Variants in MAGI2 observed in about 807,000 individuals in gnomAD.
MAGI2 encodes membrane-associated guanylate kinase, WW and PDZ domain-containing protein 2.
In MAGI2, 35 loss-of-function variants were observed where a neutral mutation model predicts 133.3. The ratio of observed to expected loss-of-function variants is 0.26; its 90% CI spans 0.20 to 0.35. The LOEUF (loss-of-function observed/expected upper bound fraction) is 0.35, where lower values mean the gene tolerates loss of function less well. Ranked by LOEUF, MAGI2 falls within the 10% of genes least tolerant of loss-of-function variation. The probability of loss-of-function intolerance (pLI) is 1.00; values close to 1 mark genes in which losing one functional copy is unlikely to be tolerated. For missense variants in MAGI2, 1,636 were observed against 1,863.4 expected (o/e 0.88, Z 2.25); for synonymous variants, 729 against 710.6 (o/e 1.03, Z -0.41).
chr7:78,474,193 C>A (rs370111216), intron 6 of MAGI2, among the ~76,000 whole-genome samples: 46 of 151,966 alleles, frequency 3.0e-4, no homozygotes, highest in African/African-American at 1.1e-3. Flanking sequence ...AAAATTATCA[C>A]GTATATCTCT....
At chr7:78,392,793 G>A (rs75182921) in intron 6 of MAGI2, among the ~76,000 whole-genome samples, 8,137 of 152,112 alleles carry the variant, frequency 0.053, 310 homozygotes, top group South Asian at 0.095. Context: ...ACAGGCATGC[G>A]CCACTGCACC....
intron 7 of MAGI2, among the ~76,000 whole-genome samples, chr7:78,355,595 C>T (rs1196304600): frequency 6.6e-6 from 1 of 152,198 alleles, no homozygotes; most frequent in Non-Finnish European, 1.5e-5. Context: ...GGCAGATGCA[C>T]AAACAAAGCC....
chr7:78,769,341 T>C lies in MAGI2; in HGVS notation c.419-142102A>G, dbSNP rs532886925. Among the ~76,000 whole-genome samples, 4 of 152,078 alleles carry C rather than the reference T, an allele frequency of 2.6e-5. No individual in the cohort carries two copies. In the South Asian group the frequency reaches 6.2e-4, roughly 24 times the overall value. ...ATGCATGGGTCTTTCCTTAAAGAAA[T>C]TGTTTGATGAGCCCACTTAACAACA... On this transcript the variant is annotated intron_variant, in intron 2 of 21. Coordinates refer to ENST00000354212, the MANE Select transcript of MAGI2 (RefSeq NM_012301.4).
intron 2 of MAGI2, among the ~76,000 whole-genome samples, chr7:78,881,426 C>T (rs543019196): frequency 9.4e-5 from 6 of 63,926 alleles, no homozygotes; most frequent in East Asian, 4.2e-4. Flanking sequence ...CGGGGCCTGT[C>T]GTGGGATGGG....
At chr7:78,683,035 G>A (rs899787788) in intron 2 of MAGI2, among the ~76,000 whole-genome samples, 11 of 152,116 alleles carry the variant, frequency 7.2e-5, no homozygotes, top group Non-Finnish European at 1.5e-4. Flanking sequence ...AATAAATCCA[G>A]AAGTGAATTA....
In MAGI2 at chr7:78,133,063, G is replaced by A. The variant is rs1387308722; in HGVS notation, c.3032-3C>T. On this transcript the variant is annotated splice_polypyrimidine_tract_variant and splice_region_variant and intron_variant, in intron 17 of 21. Transcript: ENST00000354212. ...TGCCGAGGTGGGGCTGTTGAGCTCT[G>A]CGATGGAGAACCAAAGCGGCAGATG... 1.4e-5 allele frequency: 21 copies of A among 1,541,932 alleles called. No homozygotes were observed. In the South Asian group the frequency reaches 2.4e-4, roughly 18 times the overall value.
chr7:79,281,807 T>C (rs1835663366), intron 1 of MAGI2, among the ~76,000 whole-genome samples: 1 of 152,172 alleles, frequency 6.6e-6, no homozygotes, highest in African/African-American at 2.4e-5. Context: ...TTTTACATAC[T>C]ATATAACTTC....
chr7:78,118,981 A>G (rs1820151238), intron 20 of MAGI2, among the ~76,000 whole-genome samples: 1 of 152,252 alleles, frequency 6.6e-6, no homozygotes, highest in African/African-American at 2.4e-5. Context: ...GCACTAAAAG[A>G]AATGAACTGT....
At chr7:78,353,112 C>T (rs1791693601) in intron 7 of MAGI2, 1 of 152,188 alleles carries the variant, frequency 6.6e-6, no homozygotes. Context: ...TCATTGTTAT[C>T]AAAGGTATTT....
rs1436876074 is a variant in MAGI2, at chr7:79,046,515, G to A, written c.302-39309C>T. On this transcript the variant is annotated intron_variant, in intron 1 of 21. Coordinates refer to ENST00000354212, the MANE Select transcript of MAGI2 (RefSeq NM_012301.4). ...TGACAGCCCTAGCGAAGTAATACAC[G>A]TGATATCTCTAAAATTAATGCTTTG... Among the ~76,000 whole-genome samples, 4 of 152,288 alleles carry A rather than the reference G, an allele frequency of 2.6e-5. No individual in the cohort carries two copies. The South Asian group carries it at 8.3e-4, about 32-fold the overall frequency.
At chr7:78,680,248 T>G (rs2151092982) in intron 2 of MAGI2, among the ~76,000 whole-genome samples, 2 of 152,248 alleles carry the variant, frequency 1.3e-5, no homozygotes, top group South Asian at 4.1e-4. Flanking sequence ...AATGTTTATG[T>G]GCATAAGCTT....
intron 3 of MAGI2, among the ~76,000 whole-genome samples, chr7:78,539,341 T>G (rs1467350748): frequency 6.6e-6 from 1 of 152,176 alleles, no homozygotes; most frequent in African/African-American, 2.4e-5. Flanking sequence ...TGTTAAAACA[T>G]CCTTTCATCC....
intron 6 of MAGI2, among the ~76,000 whole-genome samples, chr7:78,398,939 T>C (rs1489993367): frequency 2.0e-5 from 3 of 152,212 alleles, no homozygotes; most frequent in African/African-American, 7.2e-5. Flanking sequence ...AAATTTTCTT[T>C]GACAATGAAC....
intron 13 of MAGI2, among the ~76,000 whole-genome samples, chr7:78,185,099 A>G (rs1827560427): frequency 6.6e-6 from 1 of 152,254 alleles, no homozygotes; most frequent in Admixed American, 6.5e-5. Flanking sequence ...TTTAGAAAAC[A>G]AAACAGATGA....
chr7:78,513,201 A>G (rs757049239), intron 4 of MAGI2, among the ~76,000 whole-genome samples: 14 of 152,166 alleles, frequency 9.2e-5, no homozygotes, highest in Admixed American at 9.2e-4. Context: ...TTCAAAGGAG[A>G]TGAAAGAGAA....
chr7:78,336,195 C>A (rs1310960510), intron 9 of MAGI2, among the ~76,000 whole-genome samples: 1 of 152,038 alleles, frequency 6.6e-6, no homozygotes, highest in African/African-American at 2.4e-5. Context: ...ACTGCTTCAA[C>A]AATTAAAAAA....
At chr7:79,058,260 C>T (rs1393983983) in intron 1 of MAGI2, among the ~76,000 whole-genome samples, 1 of 152,076 alleles carries the variant, frequency 6.6e-6, no homozygotes, top group Non-Finnish European at 1.5e-5. Context: ...AAAAGAATTT[C>T]ACTACCTTAA....
intron 16 of MAGI2, among the ~76,000 whole-genome samples, chr7:78,156,899 C>G (rs1016129938): frequency 6.6e-6 from 1 of 151,820 alleles, no homozygotes; most frequent in African/African-American, 2.4e-5. Context: ...TCCTTGGGCT[C>G]GGGTAAGACC....
chr7:78,386,172 C>G (rs1450317423), intron 6 of MAGI2, among the ~76,000 whole-genome samples: 2 of 151,976 alleles, frequency 1.3e-5, no homozygotes, highest in South Asian at 4.1e-4. Context: ...ATACAAAATC[C>G]CTTTTGATAA....
Sources: gnomAD v4.1 joint callset for allele counts (sites outside exome capture counted in the v4.1 genomes callset) on GRCh38, gnomAD v4.1.1 for gene constraint, MANE v1.5 for transcripts, NCBI Gene and HGNC (gene_info 2026-07-23, HGNC 2026-07-21) for gene names.